Variants in PITPNC1 observed in about 807,000 individuals in gnomAD.
The protein encoded by PITPNC1 is phosphatidylinositol transfer protein cytoplasmic 1, also known as cytoplasmic phosphatidylinositol transfer protein 1.
PITPNC1 carries 18 observed loss-of-function variants against 44.7 expected under a neutral mutation model. The observed-to-expected ratio is 0.40, with a 90% CI of 0.28 to 0.60. The LOEUF (loss-of-function observed/expected upper bound fraction) is 0.60, where lower values mean the gene tolerates loss of function less well. Ranked by LOEUF, PITPNC1 falls within the 20% of genes least tolerant of loss-of-function variation. The pLI, the probability that PITPNC1 is intolerant of heterozygous loss-of-function variation, is 0.39. For missense variants in PITPNC1, 290 were observed against 418.4 expected, an observed-to-expected ratio of 0.69 and a Z score of 2.68; for synonymous variants, 141 against 149.6, an observed-to-expected ratio of 0.94 and a Z score of 0.42.
intron 1 of PITPNC1, chr17:67,408,713 C>CTTTCTTTCTTTCTTTCTTT (rs2038440684): frequency 8.4e-6 from 1 of 118,778 alleles, no homozygotes; most frequent in African/African-American, 3.2e-5. Context: ...TTCCTTCCTT[C>CTTTCTTTCTTTCTTTCTTT]CTTCCTTCCT....
At chr17:67,662,938 A>G (rs1453277668) in intron 6 of PITPNC1, among the ~76,000 whole-genome samples, 1 of 152,128 alleles carries the variant, frequency 6.6e-6, no homozygotes, top group East Asian at 1.9e-4. Flanking sequence ...GTAGTATTCC[A>G]TGGGCACCTA....
intron 1 of PITPNC1, among the ~76,000 whole-genome samples, chr17:67,469,247 A>AC (rs2039477163): frequency 6.6e-6 from 1 of 152,072 alleles, no homozygotes; most frequent in Non-Finnish European, 1.5e-5. Flanking sequence ...ACACTGTGAG[A>AC]ACTTCCTTTC....
intron 6 of PITPNC1, among the ~76,000 whole-genome samples, chr17:67,635,982 A>G (rs1055609706): frequency 1.3e-5 from 2 of 152,196 alleles, no homozygotes; most frequent in Non-Finnish European, 2.9e-5. Flanking sequence ...TCTACAGCAC[A>G]GAAAGCCCCT....
intron 1 of PITPNC1, among the ~76,000 whole-genome samples, chr17:67,451,874 G>C (rs1271862385): frequency 6.6e-6 from 1 of 151,412 alleles, no homozygotes; most frequent in Non-Finnish European, 1.5e-5. Context: ...CTGACCTCGT[G>C]ATCCGCACAC....
At chr17:67,445,954 TG>T (rs1228162467) in intron 1 of PITPNC1, among the ~76,000 whole-genome samples, 1 of 151,870 alleles carries the variant, frequency 6.6e-6, no homozygotes, top group Non-Finnish European at 1.5e-5. Context: ...GTATTTTTTT[TG>T]GTTTTTTTTG....
chr17:67,631,671 T>TATATATATATATATATATATATATAA (rs1272988970), intron 5 of PITPNC1, among the ~76,000 whole-genome samples: 1 of 69,672 alleles, frequency 1.4e-5, no homozygotes. Flanking sequence ...TATATATATA[T>TATATATATATATATATATATATATAA]AAAATATATA....
chr17:67,492,408 G>A (rs1254365322), intron 1 of PITPNC1, among the ~76,000 whole-genome samples: 1 of 152,162 alleles, frequency 6.6e-6, no homozygotes, highest in South Asian at 2.1e-4. Flanking sequence ...TAGAGCACTG[G>A]AGCTGCAAGG....
At chr17:67,425,197 G>GTGCGCGCGCA in intron 1 of PITPNC1, among the ~76,000 whole-genome samples, 1 of 98,468 alleles carries the variant, frequency 1.0e-5, no homozygotes, top group South Asian at 4.8e-4. Flanking sequence ...GCGCGCGCAC[G>GTGCGCGCGCA]CACACGCACA....
At chr17:67,691,272 G>T (rs1425502528) in intron 8 of PITPNC1, among the ~76,000 whole-genome samples, 7 of 152,164 alleles carry the variant, frequency 4.6e-5, no homozygotes, top group African/African-American at 1.7e-4. Context: ...AATGTAGGAA[G>T]TATGTATAAT....
chr17:67,439,646 T>C (rs1433518131), intron 1 of PITPNC1, among the ~76,000 whole-genome samples: 1 of 152,244 alleles, frequency 6.6e-6, no homozygotes, highest in African/African-American at 2.4e-5. Flanking sequence ...ATTTATAATA[T>C]ACCAGGTGAT....
At chr17:67,481,529 A>G (rs1029398045) in intron 1 of PITPNC1, among the ~76,000 whole-genome samples, 1 of 152,170 alleles carries the variant, frequency 6.6e-6, no homozygotes, top group Admixed American at 6.5e-5. Flanking sequence ...TTTAGATATG[A>G]GGTCTTGCTT....
chr17:67,651,338 C>A (rs2537831), intron 6 of PITPNC1, among the ~76,000 whole-genome samples: 4,102 of 152,178 alleles, frequency 0.027, 158 homozygotes, highest in Admixed American at 0.098. Flanking sequence ...CATGGCGAAA[C>A]CCCATCTCTA....
At chr17:67,430,859 T>A (rs989214850) in intron 1 of PITPNC1, among the ~76,000 whole-genome samples, 2 of 150,856 alleles carry the variant, frequency 1.3e-5, no homozygotes, top group African/African-American at 4.9e-5. Context: ...GAGGCTGAGG[T>A]GGGAGGATCC....
chr17:67,548,157 C>T lies in PITPNC1; in HGVS notation c.198-4100C>T, dbSNP rs75746991. ...GAACTCCTGTTCTAGGGTGACCAACCATCCCAGTTTGCCTGGAACTGAGGG... is the reference window on the plus strand; with the variant it reads ...GAACTCCTGTTCTAGGGTGACCAACTATCCCAGTTTGCCTGGAACTGAGGG... On this transcript the variant is annotated intron_variant, in intron 2 of 8. Transcript: ENST00000581322. 4.3e-3 allele frequency among the ~76,000 whole-genome samples: 652 copies of T among 152,318 alleles called. 6 individuals are homozygous for T. Among genetic ancestry groups the T allele is most frequent in the African/African-American group, 0.014 (591 of 41,574 alleles).
intron 6 of PITPNC1, among the ~76,000 whole-genome samples, chr17:67,645,355 A>G (rs2042136982): frequency 6.6e-6 from 1 of 151,798 alleles, no homozygotes; most frequent in South Asian, 2.1e-4. Context: ...AAAAAAAAAA[A>G]AAAAAAAGAG....
intron 2 of PITPNC1, among the ~76,000 whole-genome samples, chr17:67,539,963 G>A (rs2040582860): frequency 6.6e-6 from 1 of 152,096 alleles, no homozygotes; most frequent in Non-Finnish European, 1.5e-5. Context: ...AACCGCATAT[G>A]TAATAAAAGC....
intron 2 of PITPNC1, among the ~76,000 whole-genome samples, chr17:67,533,581 A>G (rs2040491800): frequency 6.6e-6 from 1 of 152,212 alleles, no homozygotes; most frequent in South Asian, 2.1e-4. Flanking sequence ...GGTGCTGCCT[A>G]TATGCTGTGG....
Position 67,597,374 on chromosome 17 carries a change from C to T in PITPNC1, c.366+19117C>T, listed in dbSNP as rs1189879007. On this transcript the variant is annotated intron_variant, in intron 5 of 8. Transcript: ENST00000581322. The surrounding 1 kb of genome is among the most constrained non-coding windows in gnomAD (Gnocchi z 4.0). Reference sequence around the variant, plus strand: ...TTCGAGACCAGCCTGGCCAACATGGCAAAACCCCATCTCCACTAAAAATAC... The same window carrying T: ...TTCGAGACCAGCCTGGCCAACATGGTAAAACCCCATCTCCACTAAAAATAC... Among the ~76,000 whole-genome samples, 1 of 151,918 alleles carries T rather than the reference C, an allele frequency of 6.6e-6. No individual in the cohort carries two copies. The highest frequency in any genetic ancestry group is 1.5e-5 in the Non-Finnish European group (1 of 67,946).
chr17:67,593,480 C>CCT lies in PITPNC1; in HGVS notation c.366+15226_366+15227dup, dbSNP rs551140368. 9.9e-4 allele frequency among the ~76,000 whole-genome samples: 150 copies of CCT among 152,072 alleles called. 2 individuals carry two copies. The highest frequency in any genetic ancestry group is 3.4e-3 in the African/African-American group (142 of 41,474). ...AGTGGTGTGATCTTGGCTCACTGAA[C>CCT]CTCTGCCTCCAGGGTTCAAGCGACT... is the stretch of plus-strand genomic sequence containing the variant. On this transcript the variant is annotated intron_variant, in intron 5 of 8. Transcript: ENST00000581322.
Sources: gnomAD v4.1 joint callset for allele counts (sites outside exome capture counted in the v4.1 genomes callset) on GRCh38, gnomAD v4.1.1 for gene constraint, Gnocchi (gnomAD v3.1) non-coding constraint, MANE v1.5 for transcripts, NCBI Gene and HGNC (gene_info 2026-07-23, HGNC 2026-07-21) for gene names.